MECOM: variants seen among roughly 807,000 people sequenced by gnomAD.
The protein encoded by MECOM is histone-lysine N-methyltransferase MECOM.
A neutral mutation model predicts 116.3 loss-of-function variants in MECOM; 13 were observed. That is an observed-to-expected ratio of 0.11 (90% confidence interval 0.07 to 0.18). MECOM has a LOEUF of 0.18. Ranked by LOEUF, MECOM falls within the 10% of genes least tolerant of loss-of-function variation. The pLI is 1.00. For synonymous variants in MECOM, 528 were observed against 535.2 expected (o/e 0.99, Z 0.19); for missense variants, 1,299 against 1,509.0 (o/e 0.86, Z 2.31).
intron 1 of MECOM, chr3:169,472,825 T>C: frequency 4.6e-6 from 1 of 219,678 alleles, no homozygotes; most frequent in Non-Finnish European, 7.7e-6. Flanking sequence ...TAGAAAATCC[T>C]AATCATGTGT....
Position 169,262,090 on chromosome 3 carries a change from G to T in MECOM, c.376-118258C>A, listed in dbSNP as rs554808191. Among the ~76,000 whole-genome samples the T allele has an allele frequency of 6.6e-5, 10 of 152,250 alleles. No homozygotes were observed. The South Asian group carries it at 1.0e-3, about 16-fold the overall frequency. ...GAGCTTGGAATAAACTAATGGACAC[G>T]AGCCAAGAAAAATTAGCTGCTCTCA... On this transcript the variant is annotated intron_variant, in intron 2 of 16. Transcript: ENST00000651503.
chr3:169,373,592 T>C (rs1244223643), intron 2 of MECOM, among the ~76,000 whole-genome samples: 2 of 151,996 alleles, frequency 1.3e-5, no homozygotes, highest in Admixed American at 6.6e-5. Flanking sequence ...TGTAGATACA[T>C]AGTAGGCAAA....
intron 2 of MECOM, among the ~76,000 whole-genome samples, chr3:169,256,141 T>C (rs1036974965): frequency 1.3e-5 from 2 of 152,174 alleles, no homozygotes; most frequent in African/African-American, 4.8e-5. Flanking sequence ...AAATAATGGG[T>C]AGAATTACTA....
chr3:169,538,682 T>C (rs998223164), intron 1 of MECOM, among the ~76,000 whole-genome samples: 1 of 152,156 alleles, frequency 6.6e-6, no homozygotes, highest in Non-Finnish European at 1.5e-5. Flanking sequence ...AGCAATGGAT[T>C]TCTTCCTCCC....
chr3:169,457,180 A>G (rs756657856), intron 1 of MECOM, among the ~76,000 whole-genome samples: 4 of 152,100 alleles, frequency 2.6e-5, no homozygotes, highest in Non-Finnish European at 5.9e-5. Context: ...AGTCCCTTCC[A>G]AGCACCCCTT....
At chr3:169,450,703 C>T (rs1745423521) in intron 1 of MECOM, among the ~76,000 whole-genome samples, 1 of 152,232 alleles carries the variant, frequency 6.6e-6, no homozygotes, top group African/African-American at 2.4e-5. Context: ...ACACACAGAT[C>T]CTGACAATGG....
intron 2 of MECOM, among the ~76,000 whole-genome samples, chr3:169,315,397 G>A (rs1485912449): frequency 1.3e-5 from 2 of 152,156 alleles, no homozygotes. Flanking sequence ...ATACAGTTGT[G>A]CTCATGAGTT....
chr3:169,341,739 CAA>C (rs578130947), intron 2 of MECOM, among the ~76,000 whole-genome samples: 1 of 121,918 alleles, frequency 8.2e-6, no homozygotes, highest in Non-Finnish European at 1.7e-5. Flanking sequence ...GACTCCCTCT[CAA>C]AAAAAAAAAA....
intron 1 of MECOM, among the ~76,000 whole-genome samples, chr3:169,417,387 G>A (rs1738845694): frequency 6.6e-6 from 1 of 152,058 alleles, no homozygotes; most frequent in African/African-American, 2.4e-5. Context: ...TCAGAGAAAT[G>A]CAAATCAAAA....
intron 1 of MECOM, among the ~76,000 whole-genome samples, chr3:169,428,310 G>A (rs1316025563): frequency 1.3e-5 from 2 of 152,158 alleles, no homozygotes; most frequent in Admixed American, 1.3e-4. Flanking sequence ...GACTGTGGGG[G>A]GTTGGTTTTG....
At chr3:169,229,325 C>G (rs1355578241) in intron 2 of MECOM, among the ~76,000 whole-genome samples, 1 of 152,152 alleles carries the variant, frequency 6.6e-6, no homozygotes, top group Admixed American at 6.5e-5. Flanking sequence ...CCAGCAGACA[C>G]CAAATAAGTC....
intron 1 of MECOM, among the ~76,000 whole-genome samples, chr3:169,465,829 G>A (rs1392789274): frequency 6.6e-6 from 1 of 152,112 alleles, no homozygotes; most frequent in Non-Finnish European, 1.5e-5. Flanking sequence ...CAACTCATCT[G>A]CTGTTTTAAA....
chr3:169,558,514 G>T (rs1015405387), intron 1 of MECOM, among the ~76,000 whole-genome samples: 1 of 152,132 alleles, frequency 6.6e-6, no homozygotes, highest in African/African-American at 2.4e-5. Context: ...TAAAATTAAA[G>T]TATTTCACTG....
At chr3:169,382,862 A>T (rs530529330) in intron 1 of MECOM, among the ~76,000 whole-genome samples, 1,990 of 85,272 alleles carry the variant, frequency 0.023, 108 homozygotes, top group Admixed American at 0.038. Context: ...AAAAAAAAAA[A>T]AATAAAAAAA....
intron 2 of MECOM, among the ~76,000 whole-genome samples, chr3:169,207,802 A>G (rs930331936): frequency 6.6e-6 from 1 of 152,168 alleles, no homozygotes; most frequent in Admixed American, 6.6e-5. Flanking sequence ...CTTGTTGTTC[A>G]AAAGGATAGT....
chr3:169,517,738 C>A (rs906407909), intron 1 of MECOM, among the ~76,000 whole-genome samples: 5 of 152,068 alleles, frequency 3.3e-5, no homozygotes, highest in African/African-American at 1.2e-4. Flanking sequence ...AAGAAGAGAC[C>A]AGTGAAAGCC....
chr3:169,208,320 A>T (rs55801954), intron 2 of MECOM, among the ~76,000 whole-genome samples: 6,638 of 148,232 alleles, frequency 0.045, 215 homozygotes, highest in Middle Eastern at 0.086. Flanking sequence ...TATGTATTAT[A>T]TTATATATAT....
intron 2 of MECOM, among the ~76,000 whole-genome samples, chr3:169,302,383 C>T (rs1716899871): frequency 6.6e-6 from 1 of 152,132 alleles, no homozygotes; most frequent in Admixed American, 6.6e-5. Context: ...AGTTTGTTTC[C>T]CATGGCCCAG....
At chr3:169,375,795 T>C (rs1019281466) in intron 2 of MECOM, among the ~76,000 whole-genome samples, 6 of 151,956 alleles carry the variant, frequency 3.9e-5, no homozygotes, top group African/African-American at 9.7e-5. Flanking sequence ...TTCCAAACAA[T>C]GGAAAAAGTG....
Sources: allele counts gnomAD v4.1 joint callset (sites outside exome capture counted in the v4.1 genomes callset), GRCh38; gene constraint gnomAD v4.1.1; transcripts MANE v1.5; gene names NCBI Gene and HGNC (gene_info 2026-07-23, HGNC 2026-07-21).